Variants in PTPRN2 observed in about 807,000 individuals in gnomAD.
PTPRN2 encodes receptor-type tyrosine-protein phosphatase N2.
A neutral mutation model predicts 118.8 loss-of-function variants in PTPRN2; 74 were observed. The observed-to-expected ratio is 0.62, with a 90% CI of 0.52 to 0.76. The LOEUF is 0.76. Among genes scored for constraint, PTPRN2 ranks in the 30% least tolerant of loss-of-function variants. The pLI is 0.00. For synonymous variants in PTPRN2, 641 were observed against 608.0 expected (o/e 1.05, Z -0.80); for missense variants, 1,481 against 1,394.4 (o/e 1.06, Z -0.99).
At chr7:157,866,685 C>T (rs1185649081) in intron 12 of PTPRN2, among the ~76,000 whole-genome samples, 3 of 152,148 alleles carry the variant, frequency 2.0e-5, no homozygotes, top group East Asian at 1.9e-4. Context: ...GTCCCAGGCT[C>T]GCCCCAGTGC....
chr7:157,835,541 G>A (rs1302101689), intron 12 of PTPRN2, among the ~76,000 whole-genome samples: 1 of 152,182 alleles, frequency 6.6e-6, no homozygotes, highest in Non-Finnish European at 1.5e-5. Flanking sequence ...CTCGTCCTAA[G>A]GATGGGGGAG....
At chr7:158,126,138 A>C (rs1817651196) in intron 9 of PTPRN2, among the ~76,000 whole-genome samples, 1 of 87,536 alleles carries the variant, frequency 1.1e-5, no homozygotes, top group Non-Finnish European at 2.3e-5. Context: ...CCGCCACACC[A>C]GCCCCCAGGA....
Position 157,736,852 on chromosome 7 carries a change from C to G in PTPRN2, c.1789-53915G>C, listed in dbSNP as rs191646110. On this transcript the variant is annotated intron_variant, in intron 12 of 22. Transcript: ENST00000389418. ...CAGAGGAGGTACAATCCCACCAGTGCCCGGCTGGACACATATTGGTTTTGG... is the reference window on the plus strand; with the variant it reads ...CAGAGGAGGTACAATCCCACCAGTGGCCGGCTGGACACATATTGGTTTTGG... 2.9e-3 allele frequency among the ~76,000 whole-genome samples: 449 copies of G among 152,286 alleles called. 4 individuals carry two copies. The highest frequency in any genetic ancestry group is 0.011 in the African/African-American group (440 of 41,558).
chr7:157,882,973 G>A (rs1796234387), intron 12 of PTPRN2, among the ~76,000 whole-genome samples: 1 of 150,796 alleles, frequency 6.6e-6, no homozygotes, highest in African/African-American at 2.4e-5. Flanking sequence ...ACGACTGTTG[G>A]AGAACAGAAC....
At chr7:158,375,729 G>A (rs1415597560) in intron 2 of PTPRN2, among the ~76,000 whole-genome samples, 6 of 152,302 alleles carry the variant, frequency 3.9e-5, no homozygotes, top group East Asian at 1.9e-4. Context: ...GTGGAAGAGC[G>A]GAGGAACAGA....
At position 157,593,995 on chromosome 7, in the gene PTPRN2, C is replaced by T. The variant is rs1239457830; in HGVS notation, c.2496+1243G>A. Reference sequence around the variant, plus strand: ...AGACACAAAGGGCAGGAGGTCATACCGATGTGTTTCAGATCCTGGCGTCAT... The same window carrying T: ...AGACACAAAGGGCAGGAGGTCATACTGATGTGTTTCAGATCCTGGCGTCAT... On this transcript the variant is annotated intron_variant, in intron 17 of 22. Transcript: ENST00000389418. Among the ~76,000 whole-genome samples the T allele has an allele frequency of 8.5e-5, 13 of 152,182 alleles. No homozygotes were observed. In the South Asian group the frequency reaches 2.5e-3, roughly 29 times the overall value.
intron 12 of PTPRN2, among the ~76,000 whole-genome samples, chr7:157,810,987 T>C (rs1280425067): frequency 6.6e-6 from 1 of 152,004 alleles, no homozygotes; most frequent in Non-Finnish European, 1.5e-5. Flanking sequence ...CGTGGATTTT[T>C]GGGGCGGGGC....
intron 12 of PTPRN2, among the ~76,000 whole-genome samples, chr7:157,688,763 C>A (rs1797319850): frequency 6.6e-6 from 1 of 152,208 alleles, no homozygotes; most frequent in Non-Finnish European, 1.5e-5. Context: ...CTCTGTGGCA[C>A]GACTTTGAGC....
chr7:157,880,310 C>G (rs912875538), intron 12 of PTPRN2, among the ~76,000 whole-genome samples: 1 of 152,214 alleles, frequency 6.6e-6, no homozygotes, highest in African/African-American at 2.4e-5. Context: ...ATTCATTACT[C>G]TACCCGCCGC....
chr7:158,152,106 G>A (rs987637584), intron 6 of PTPRN2, among the ~76,000 whole-genome samples: 6 of 143,970 alleles, frequency 4.2e-5, no homozygotes, highest in South Asian at 4.4e-4. Flanking sequence ...CCCGGGAGGC[G>A]GAGCTTGCAG....
intron 6 of PTPRN2, among the ~76,000 whole-genome samples, chr7:158,156,925 T>C (rs866639490): frequency 2.0e-5 from 3 of 151,846 alleles, no homozygotes; most frequent in Non-Finnish European, 2.9e-5. Flanking sequence ...GGCCTCCCCA[T>C]TGTGCTAACA....
chr7:158,261,880 C>A (rs1239863792), intron 3 of PTPRN2, among the ~76,000 whole-genome samples: 2 of 152,202 alleles, frequency 1.3e-5, no homozygotes, highest in African/African-American at 4.8e-5. Context: ...TCAGGAGAAG[C>A]TAATTCCCCA....
In PTPRN2 at chr7:158,389,763, G is replaced by A. The variant is rs554464770; in HGVS notation, c.164-72831C>T. 5.9e-5 allele frequency among the ~76,000 whole-genome samples: 9 copies of A among 152,310 alleles called. 1 individual carries two copies. The highest frequency in any genetic ancestry group is 3.9e-4 in the Admixed American group (6 of 15,304). ...GCGTCGCATTCCCAGAATAGAAAAT[G>A]GGCTAAACGCAAGTTCTGTCCTTCC... On this transcript the variant is annotated intron_variant, in intron 2 of 22. Transcript: ENST00000389418.
chr7:158,337,769 A>AG (rs1563168637), intron 2 of PTPRN2, among the ~76,000 whole-genome samples: 19 of 23,306 alleles, frequency 8.2e-4, no homozygotes, highest in African/African-American at 3.4e-3. Context: ...GACACCTGCA[A>AG]ACGTCACTCA....
chr7:158,496,930 A>G (rs183041036), intron 1 of PTPRN2, among the ~76,000 whole-genome samples: 38 of 822 alleles, frequency 0.046, 3 homozygotes, highest in South Asian at 0.16. Flanking sequence ...CCTTCCCTGC[A>G]CCCCCTCCCC....
At chr7:157,931,080 G>A (rs1022536782) in intron 11 of PTPRN2, among the ~76,000 whole-genome samples, 2 of 152,046 alleles carry the variant, frequency 1.3e-5, no homozygotes, top group Non-Finnish European at 2.9e-5. Flanking sequence ...GCAGCCAGAC[G>A]AGGTTTCTAG....
chr7:157,992,073 G>A (rs960802272), intron 11 of PTPRN2, among the ~76,000 whole-genome samples: 1 of 152,240 alleles, frequency 6.6e-6, no homozygotes, highest in Admixed American at 6.5e-5. Context: ...CGCCCAGGGA[G>A]ACTGGTGGTC....
intron 3 of PTPRN2, among the ~76,000 whole-genome samples, chr7:158,283,592 G>A (rs1025959689): frequency 2.6e-5 from 4 of 152,158 alleles, no homozygotes; most frequent in African/African-American, 9.7e-5. Context: ...GCCACCCGCC[G>A]GGGTCACAGC....
intron 11 of PTPRN2, among the ~76,000 whole-genome samples, chr7:157,951,741 G>A (rs558278442): frequency 1.3e-5 from 2 of 152,328 alleles, no homozygotes; most frequent in Admixed American, 6.5e-5. Flanking sequence ...CTGCAACACC[G>A]TCTCAGGATC....
Sources: gnomAD v4.1 joint callset for allele counts (sites outside exome capture counted in the v4.1 genomes callset) on GRCh38, gnomAD v4.1.1 for gene constraint, MANE v1.5 for transcripts, NCBI Gene and HGNC (gene_info 2026-07-23, HGNC 2026-07-21) for gene names.